The following WDFY3 variants were observed in gnomAD, a reference collection of about 807,000 sequenced individuals.
The protein encoded by WDFY3 is WD repeat and FYVE domain containing 3.
In WDFY3, 66 loss-of-function variants were observed where a neutral mutation model predicts 409.6. That is an observed-to-expected ratio of 0.16 (90% CI 0.13 to 0.20). WDFY3 has a LOEUF of 0.20. WDFY3 is among the 10% of genes least tolerant of loss of function. The pLI is 1.00. For missense variants in WDFY3, 3,031 were observed against 4,298.1 expected (o/e 0.71, Z 8.24); for synonymous variants, 1,521 against 1,537.1 (o/e 0.99, Z 0.25).
At chr4:84,774,753 T>C in intron 29 of WDFY3, 67 bp downstream of exon 29, 1 of 1,484,888 alleles carries the variant, frequency 6.7e-7, no homozygotes, top group Non-Finnish European at 9.0e-7. Context: ...TAAATTCATC[T>C]CATCCATCTT....
At position 84,721,543 on chromosome 4, in the gene WDFY3, G is replaced by C; in HGVS notation, c.7471C>G (p.Arg2491Gly). The C allele has an allele frequency of 1.9e-6, 3 of 1,609,020 alleles. No homozygotes were observed. Among genetic ancestry groups the C allele is most frequent in the Non-Finnish European group, 2.5e-6 (3 of 1,179,958 alleles). The part of the protein sequence containing the change: ...GLVKPPLKRS[R>G]SAPDGGDEEN... ...TCATCTCCTCCATCAGGTGCAGATC[G>C]GGAGCGTTTTAGAGGAGGCTTGACC... The change falls in exon 47 of 68, where the codon CGA becomes GGA. Residue 2491 changes from arginine (R) to glycine (G), a missense_variant. Transcript: ENST00000295888.
At chr4:84,910,921 C>A (rs531216419) in intron 2 of WDFY3, among the ~76,000 whole-genome samples, 59 of 150,936 alleles carry the variant, frequency 3.9e-4, no homozygotes, top group Middle Eastern at 6.8e-3. Flanking sequence ...GGTTTCACCA[C>A]GTTGGCCAGA....
intron 55 of WDFY3, among the ~76,000 whole-genome samples, chr4:84,703,510 C>T (rs1731408396): frequency 1.3e-5 from 2 of 152,260 alleles, no homozygotes; most frequent in South Asian, 4.1e-4. Flanking sequence ...CCTTGTCGAA[C>T]TCTTCCCCTA....
chr4:84,712,812 G>A (rs982735217), intron 51 of WDFY3, among the ~76,000 whole-genome samples: 1 of 152,104 alleles, frequency 6.6e-6, no homozygotes, highest in Non-Finnish European at 1.5e-5. Context: ...GCGAATAATA[G>A]TTATGTTTCT....
intron 2 of WDFY3, among the ~76,000 whole-genome samples, chr4:84,903,872 CCTAT>C (rs1430501324): frequency 1.3e-5 from 2 of 152,048 alleles, no homozygotes; most frequent in African/African-American, 2.4e-5. Flanking sequence ...TCTCTATCTC[CCTAT>C]CTGTCTGTCT....
intron 51 of WDFY3, among the ~76,000 whole-genome samples, chr4:84,709,745 G>A (rs558889905): frequency 1.3e-4 from 20 of 152,298 alleles, no homozygotes; most frequent in African/African-American, 4.3e-4. Flanking sequence ...GTTCTGTTTT[G>A]AGACGGAGTC....
intron 3 of WDFY3, among the ~76,000 whole-genome samples, chr4:84,875,620 C>T (rs774364801): frequency 6.6e-6 from 1 of 152,168 alleles, no homozygotes; most frequent in Non-Finnish European, 1.5e-5. Flanking sequence ...TAGAATAACA[C>T]GTAGCTTAAA....
In WDFY3 at chr4:84,675,835, A is replaced by G. The variant is rs144117603; in HGVS notation, c.10457+1364T>C. On this transcript the variant is annotated intron_variant, in intron 67 of 67. Coordinates refer to ENST00000295888, the MANE Select transcript of WDFY3 (RefSeq NM_014991.6). ...GGATGTGTATCTGGGACCCAGGTGT[A>G]GGACAGAGATATCAACCAAATCTAT... is the stretch of plus-strand genomic sequence containing the variant. 7.5e-4 allele frequency among the ~76,000 whole-genome samples: 115 copies of G among 152,324 alleles called. No individual in the cohort carries two copies. In the East Asian group the frequency reaches 0.019, roughly 26 times the overall value.
At chr4:84,930,187 T>C (rs1029990874) in intron 2 of WDFY3, among the ~76,000 whole-genome samples, 2 of 152,200 alleles carry the variant, frequency 1.3e-5, no homozygotes, top group African/African-American at 4.8e-5. Context: ...AACACACATA[T>C]ACTTAATTCA....
rs182039341 is a variant in WDFY3, at chr4:84,810,352, A to G, written c.1888-8T>C. ...AAGGACCGACAGGAGGGCCTACAGGAGACAAAAGAAAAAACAAATGAAAAT... is the reference window on the plus strand; with the variant it reads ...AAGGACCGACAGGAGGGCCTACAGGGGACAAAAGAAAAAACAAATGAAAAT... On this transcript the variant is annotated splice_polypyrimidine_tract_variant and splice_region_variant and intron_variant, in intron 13 of 67. Coordinates refer to ENST00000295888, the MANE Select transcript of WDFY3 (RefSeq NM_014991.6). The G allele has an allele frequency of 1.1e-4, 164 of 1,531,414 alleles. No individual in the cohort carries two copies. The highest frequency in any genetic ancestry group is 1.3e-4 in the Non-Finnish European group (150 of 1,146,214). 94.9% of individuals were successfully genotyped at this position (1,531,414 alleles called of 1,614,324 possible).
intron 24 of WDFY3, among the ~76,000 whole-genome samples, chr4:84,784,866 A>G (rs868726741): frequency 0.063 from 2,771 of 43,736 alleles, 115 homozygotes; most frequent in Admixed American, 0.23. Context: ...ATGTATATAT[A>G]TATATATATA....
chr4:84,715,776 G>GAAAAAAAAAAAAAAAAAA (rs370627075), intron 49 of WDFY3, among the ~76,000 whole-genome samples: 1 of 46,470 alleles, frequency 2.2e-5, no homozygotes. Flanking sequence ...CTCTGTCTCA[G>GAAAAAAAAAAAAAAAAAA]AAAAAAAAAA....
intron 2 of WDFY3, among the ~76,000 whole-genome samples, chr4:84,931,929 A>G (rs1770817042): frequency 6.6e-6 from 1 of 152,186 alleles, no homozygotes; most frequent in African/African-American, 2.4e-5. Context: ...TGCTTTAAAA[A>G]CAACTACATT....
At chr4:84,899,990 A>G (rs1450273675) in intron 2 of WDFY3, among the ~76,000 whole-genome samples, 1 of 152,210 alleles carries the variant, frequency 6.6e-6, no homozygotes, top group Middle Eastern at 3.2e-3. Context: ...CAGAGGCTAC[A>G]TGCAATGTGA....
chr4:84,729,934 A>G (rs977529708), intron 44 of WDFY3, among the ~76,000 whole-genome samples: 1 of 152,180 alleles, frequency 6.6e-6, no homozygotes, highest in African/African-American at 2.4e-5. Context: ...AACCTATTCT[A>G]TCACAAAAAG....
rs142829793 is a variant in WDFY3, at chr4:84,862,804, G to A, written c.-31-2182C>T. On this transcript the variant is annotated intron_variant, in intron 3 of 67. Coordinates refer to ENST00000295888, the MANE Select transcript of WDFY3 (RefSeq NM_014991.6). Reference sequence around the variant, plus strand: ...GGATCGAGACTATCCTGGCTAACACGGTGAAACCCCGTCTCTACTAAAAGT... The same window carrying A: ...GGATCGAGACTATCCTGGCTAACACAGTGAAACCCCGTCTCTACTAAAAGT... Among the ~76,000 whole-genome samples, 1,338 of 152,172 alleles carry A rather than the reference G, an allele frequency of 8.8e-3. 16 individuals are homozygous for A. Among genetic ancestry groups the A allele is most frequent in the African/African-American group, 0.031 (1,272 of 41,528 alleles).
intron 24 of WDFY3, among the ~76,000 whole-genome samples, chr4:84,783,858 T>TAC (rs1265652566): frequency 1.1e-3 from 141 of 129,794 alleles, no homozygotes; most frequent in African/African-American, 2.8e-3. Context: ...ATATGTGTCA[T>TAC]ACATACACAC....
intron 2 of WDFY3, among the ~76,000 whole-genome samples, chr4:84,914,066 T>C (rs1768136360): frequency 6.6e-6 from 1 of 152,210 alleles, no homozygotes; most frequent in African/African-American, 2.4e-5. Flanking sequence ...AATACATATA[T>C]TATGTGTAAC....
Position 84,714,072 on chromosome 4 carries a change from C to A in WDFY3, c.7962-833G>T, listed in dbSNP as rs770425258. On this transcript the variant is annotated intron_variant, in intron 50 of 67. Transcript: ENST00000295888. ...TGGAAGTTGCAGTGAGCCGAGATTGCGCCACTGCACTCCAGCCTGGTGACA... is the reference window on the plus strand; with the variant it reads ...TGGAAGTTGCAGTGAGCCGAGATTGAGCCACTGCACTCCAGCCTGGTGACA... Among the ~76,000 whole-genome samples the A allele has an allele frequency of 5.9e-5, 9 of 151,742 alleles. 1 individual carries two copies. The Middle Eastern group carries it at 0.021, about 346-fold the overall frequency.
Sources: allele counts gnomAD v4.1 joint callset (sites outside exome capture counted in the v4.1 genomes callset), GRCh38; gene constraint gnomAD v4.1.1; transcripts MANE v1.5; gene names NCBI Gene and HGNC (gene_info 2026-07-23, HGNC 2026-07-21).